Variants in KCNAB1 observed in about 807,000 individuals in gnomAD.
KCNAB1 encodes the protein voltage-gated potassium channel subunit beta-1.
In KCNAB1, 35 loss-of-function variants were observed where a neutral mutation model predicts 64.6. The ratio of observed to expected loss-of-function variants is 0.54; its 90% CI spans 0.41 to 0.72. The LOEUF is 0.72. Ranked by LOEUF, KCNAB1 falls within the 30% of genes least tolerant of loss-of-function variation. The pLI is 0.00. For missense variants in KCNAB1, 401 were observed against 512.9 expected, an observed-to-expected ratio of 0.78 and a Z score of 2.11; for synonymous variants, 177 against 183.8, an observed-to-expected ratio of 0.96 and a Z score of 0.30.
chr3:156,378,484 A>G (rs538762936), intron 1 of KCNAB1, among the ~76,000 whole-genome samples: 1 of 152,188 alleles, frequency 6.6e-6, no homozygotes, highest in East Asian at 1.9e-4. Flanking sequence ...TGGCCTATCT[A>G]TCTCCCCTTA....
chr3:156,230,979 T>C (rs551700252), intron 1 of KCNAB1, among the ~76,000 whole-genome samples: 1 of 152,304 alleles, frequency 6.6e-6, no homozygotes, highest in East Asian at 1.9e-4. Context: ...GAAAACTGCC[T>C]TTTACTCTTA....
chr3:156,308,313 G>A (rs1329272707), intron 1 of KCNAB1, among the ~76,000 whole-genome samples: 2 of 152,178 alleles, frequency 1.3e-5, no homozygotes, highest in African/African-American at 4.8e-5. Flanking sequence ...CCATGGTGAG[G>A]ACTTTTCATT....
intron 11 of KCNAB1, among the ~76,000 whole-genome samples, chr3:156,523,169 T>A (rs1718068941): frequency 6.6e-6 from 1 of 152,248 alleles, no homozygotes; most frequent in African/African-American, 2.4e-5. Flanking sequence ...TTTACTTTTT[T>A]AAGTTTCAAT....
chr3:156,441,267 G>T (rs925716969), intron 2 of KCNAB1: 14 of 152,068 alleles, frequency 9.2e-5, no homozygotes, highest in Admixed American at 7.2e-4. Flanking sequence ...ATTACTGTTT[G>T]GGAGAGAACA....
At chr3:156,417,793 C>A (rs970795764) in intron 1 of KCNAB1, among the ~76,000 whole-genome samples, 2 of 151,878 alleles carry the variant, frequency 1.3e-5, no homozygotes, top group African/African-American at 4.8e-5. Context: ...TGCCATGGAA[C>A]AAATCATTGT....
At chr3:156,316,635 A>G (rs1560191925) in intron 1 of KCNAB1, among the ~76,000 whole-genome samples, 1 of 152,232 alleles carries the variant, frequency 6.6e-6, no homozygotes, top group Non-Finnish European at 1.5e-5. Context: ...GTGGATAGCA[A>G]AGCAGCTCCC....
intron 1 of KCNAB1, among the ~76,000 whole-genome samples, chr3:156,311,832 C>T (rs1013255273): frequency 6.6e-6 from 1 of 152,060 alleles, no homozygotes; most frequent in Non-Finnish European, 1.5e-5. Flanking sequence ...TTTCCTCAGC[C>T]CCATTTATTG....
At chr3:156,302,270 C>T (rs1721203253) in intron 1 of KCNAB1, among the ~76,000 whole-genome samples, 1 of 152,148 alleles carries the variant, frequency 6.6e-6, no homozygotes, top group East Asian at 1.9e-4. Flanking sequence ...CTCCTCACCT[C>T]AGAATCCTTA....
At chr3:156,354,459 CCCATAATAT>C (rs1560213124) in intron 1 of KCNAB1, among the ~76,000 whole-genome samples, 1 of 151,922 alleles carries the variant, frequency 6.6e-6, no homozygotes, top group Non-Finnish European at 1.5e-5. Flanking sequence ...CCGTGCCCAG[CCCATAATAT>C]CCTTAAAGAC....
chr3:156,247,520 G>A (rs888934265), intron 1 of KCNAB1, among the ~76,000 whole-genome samples: 1 of 152,068 alleles, frequency 6.6e-6, no homozygotes, highest in African/African-American at 2.4e-5. Context: ...CCTCCTCTGG[G>A]AATCTGGCCT....
chr3:156,440,664 A>G (rs1160213920), intron 2 of KCNAB1, among the ~76,000 whole-genome samples: 3 of 152,282 alleles, frequency 2.0e-5, no homozygotes, highest in Non-Finnish European at 2.9e-5. Context: ...GTGCATAAAA[A>G]GAGAATCTAT....
At chr3:156,135,604 A>C (rs928520625) in intron 1 of KCNAB1, among the ~76,000 whole-genome samples, 2 of 152,252 alleles carry the variant, frequency 1.3e-5, no homozygotes, top group Non-Finnish European at 2.9e-5. Context: ...TGCCTAGAAG[A>C]TGAAGAGAGA....
At chr3:156,363,224 A>C (rs746606693) in intron 1 of KCNAB1, among the ~76,000 whole-genome samples, 9 of 152,246 alleles carry the variant, frequency 5.9e-5, no homozygotes, top group Non-Finnish European at 1.2e-4. Flanking sequence ...TTCAAATGCC[A>C]TAGTTTGACA....
intron 1 of KCNAB1, among the ~76,000 whole-genome samples, chr3:156,380,188 CT>C (rs1226737321): frequency 6.6e-6 from 1 of 152,200 alleles, no homozygotes; most frequent in Non-Finnish European, 1.5e-5. Flanking sequence ...TCTCCAGCGC[CT>C]TCCCCTCTAT....
At chr3:156,237,272 G>T (rs1716904573) in intron 1 of KCNAB1, among the ~76,000 whole-genome samples, 1 of 152,120 alleles carries the variant, frequency 6.6e-6, no homozygotes, top group Non-Finnish European at 1.5e-5. Context: ...AAGTCTAAAT[G>T]AAGTTTACTA....
At chr3:156,231,994 T>C (rs1716561094) in intron 1 of KCNAB1, among the ~76,000 whole-genome samples, 2 of 152,186 alleles carry the variant, frequency 1.3e-5, no homozygotes. Flanking sequence ...AATAAATCTC[T>C]TCTCATATTT....
chr3:156,291,080 C>A, intron 1 of KCNAB1: 7 of 985,534 alleles, frequency 7.1e-6, no homozygotes, highest in Non-Finnish European at 8.4e-6. Context: ...TGAGTCTGGG[C>A]AGAGCCCCTT....
chr3:156,467,167 A>G (rs557108892), intron 7 of KCNAB1, among the ~76,000 whole-genome samples: 108 of 152,268 alleles, frequency 7.1e-4, no homozygotes, highest in African/African-American at 2.5e-3. Context: ...TAAATGTCAC[A>G]TGCATTAATA....
intron 2 of KCNAB1, among the ~76,000 whole-genome samples, chr3:156,442,596 G>A (rs893099804): frequency 6.6e-6 from 1 of 152,164 alleles, no homozygotes; most frequent in African/African-American, 2.4e-5. Context: ...AATCCCAGAT[G>A]TTTAACCCTC....
Sources: gnomAD v4.1 joint callset for allele counts (sites outside exome capture counted in the v4.1 genomes callset) on GRCh38, gnomAD v4.1.1 for gene constraint, MANE v1.5 for transcripts, NCBI Gene and HGNC (gene_info 2026-07-23, HGNC 2026-07-21) for gene names.